Variants in BCR observed in about 807,000 individuals in gnomAD.
BCR encodes breakpoint cluster region protein.
In BCR, 58 loss-of-function variants were observed where a neutral mutation model predicts 138.6. The observed-to-expected ratio is 0.42, with a 90% CI of 0.34 to 0.52. BCR has a LOEUF of 0.52. Among genes scored for constraint, BCR ranks in the 20% least tolerant of loss-of-function variants. The pLI is 0.06. For synonymous variants in BCR, 786 were observed against 730.1 expected, an observed-to-expected ratio of 1.08 and a Z score of -1.23; for missense variants, 1,599 against 1,727.2, an observed-to-expected ratio of 0.93 and a Z score of 1.32.
chr22:23,236,547 C>A (rs2073026919), intron 1 of BCR, among the ~76,000 whole-genome samples: 1 of 152,218 alleles, frequency 6.6e-6, no homozygotes, highest in African/African-American at 2.4e-5. Flanking sequence ...GAGAACAGGG[C>A]AACGCACACC....
intron 12 of BCR, 43 bp from the exon 13 acceptor site, chr22:23,289,474 G>T (rs1230862131): frequency 6.5e-7 from 1 of 1,532,938 alleles, no homozygotes; most frequent in Non-Finnish European, 9.0e-7. Context: ...GAGGGCCAAG[G>T]AGCAGATTGA....
intron 1 of BCR, among the ~76,000 whole-genome samples, chr22:23,209,527 G>A (rs1054346565): frequency 6.9e-6 from 1 of 145,940 alleles, no homozygotes; most frequent in East Asian, 1.9e-4. Flanking sequence ...TGGCTTGTTT[G>A]CTAATTTATT....
Position 23,289,555 on chromosome 22 carries a change from A to T in BCR, c.2641A>T (p.Met881Leu). 1 of 1,614,234 alleles carries T rather than the reference A, an allele frequency of 6.2e-7. No homozygotes were observed. Among genetic ancestry groups the T allele is most frequent in the African/African-American group, 1.3e-5 (1 of 75,054 alleles). ...CTCCCTGACATCCGTGGAGCTGCAG[A>T]TGCTGACCAACTCGTGTGTGAAACT... Reference protein sequence around the residue: ...SFSLTSVELQMLTNSCVKLQT... With the variant: ...SFSLTSVELQLLTNSCVKLQT... The change falls in exon 13 of 23, where the codon ATG (methionine) becomes TTG (leucine). Residue 881 changes from methionine (M) to leucine (L), a missense_variant. Coordinates refer to ENST00000305877, the MANE Select transcript of BCR (RefSeq NM_004327.4).
At chr22:23,282,934 C>T (rs558025762) in intron 8 of BCR, among the ~76,000 whole-genome samples, 3 of 152,320 alleles carry the variant, frequency 2.0e-5, no homozygotes, top group African/African-American at 4.8e-5. Flanking sequence ...TCTCTTTCTG[C>T]GCTGCCTGGG....
At chr22:23,304,335 T>C (rs1410167263) in intron 16 of BCR, among the ~76,000 whole-genome samples, 2 of 152,174 alleles carry the variant, frequency 1.3e-5, no homozygotes, top group Admixed American at 6.5e-5. Flanking sequence ...CGTGGAATCA[T>C]ACTAGAGTGG....
intron 1 of BCR, among the ~76,000 whole-genome samples, chr22:23,215,884 G>T (rs6003559): frequency 0.055 from 8,374 of 152,238 alleles, 755 homozygotes; most frequent in African/African-American, 0.19. Context: ...TAATCCAGGA[G>T]TTAGATGGTG....
chr22:23,313,201 C>A (rs1362266636), intron 20 of BCR, among the ~76,000 whole-genome samples, 180 bp downstream of exon 20: 1 of 152,186 alleles, frequency 6.6e-6, no homozygotes, highest in Admixed American at 6.5e-5. Context: ...AAGGCCTTGC[C>A]CATCCCTAGA....
chr22:23,194,142 A>C (rs1022764117), intron 1 of BCR, among the ~76,000 whole-genome samples: 2 of 152,228 alleles, frequency 1.3e-5, no homozygotes, highest in African/African-American at 4.8e-5. Flanking sequence ...GTGCAGAAGC[A>C]CTGTTTATTT....
rs373742833 is a variant in BCR at position 23,180,592 on chromosome 22, A to AG, written c.-369_-368insG. On this transcript the variant is annotated 5_prime_UTR_variant, in exon 1 of 23. Transcript: ENST00000305877. ...AGGAGGCGGCGGCGGCGGCGGCGGC[A>AG]CGGCGGCGGCGGGGCTGTGGGGCGG... 0.91 allele frequency: 166,300 copies of AG among 182,126 alleles called. 75,295 individuals are homozygous for AG. Among genetic ancestry groups the AG allele is most frequent in the Middle Eastern group, 0.97 (432 of 444 alleles). 11.3% of individuals were successfully genotyped at this position (182,126 alleles called of 1,614,324 possible).
intron 10 of BCR, 71 bp from the exon 11 acceptor site, chr22:23,287,088 G>C: frequency 6.4e-7 from 1 of 1,550,760 alleles, no homozygotes; most frequent in Non-Finnish European, 8.7e-7. Flanking sequence ...TGGTGGTGGG[G>C]ATGGATGGAA....
chr22:23,217,842 G>A (rs143778412), intron 1 of BCR, among the ~76,000 whole-genome samples: 31 of 152,328 alleles, frequency 2.0e-4, no homozygotes, highest in African/African-American at 3.4e-4. Flanking sequence ...CCATGAAGGC[G>A]GGGATCCCGG....
chr22:23,255,570 T>G (rs945800323), intron 2 of BCR, among the ~76,000 whole-genome samples: 2 of 152,228 alleles, frequency 1.3e-5, no homozygotes, highest in African/African-American at 4.8e-5. Context: ...GCAATTTCTT[T>G]CCATCATTCT....
chr22:23,198,098 A>C (rs1207370063), intron 1 of BCR, among the ~76,000 whole-genome samples: 1 of 152,126 alleles, frequency 6.6e-6, no homozygotes, highest in Non-Finnish European at 1.5e-5. Flanking sequence ...TGTTGCGGAA[A>C]GGCTAAAAGG....
intron 1 of BCR, among the ~76,000 whole-genome samples, chr22:23,211,304 T>C (rs1469246032): frequency 1.3e-5 from 2 of 150,276 alleles, no homozygotes; most frequent in Admixed American, 6.6e-5. Flanking sequence ...TTCACACCAT[T>C]CTCCTGCCTC....
rs1357949801 is a variant in BCR, at chr22:23,205,743, G to A, written c.1279+23504G>A. 4.6e-5 allele frequency among the ~76,000 whole-genome samples: 7 copies of A among 151,954 alleles called. No homozygotes were observed. In the East Asian group the frequency reaches 1.3e-3, roughly 29 times the overall value. On this transcript the variant is annotated intron_variant, in intron 1 of 22. Coordinates refer to ENST00000305877, the MANE Select transcript of BCR (RefSeq NM_004327.4). ...CTAATTTTATGTTTGTGGCTGAGAG[G>A]CAAAATCGATGCTACTTTGTGGATA... is the stretch of plus-strand genomic sequence containing the variant.
chr22:23,276,215 C>T lies in BCR; in HGVS notation c.2115+2441C>T, dbSNP rs570623405. On this transcript the variant is annotated intron_variant, in intron 8 of 22. Transcript: ENST00000305877. ...AAGTTTGAGACCATCCTGGCTAACA[C>T]GATAAAACCCCATCTCTACTAAAAA... 4.3e-4 allele frequency among the ~76,000 whole-genome samples: 66 copies of T among 152,028 alleles called. 1 individual carries two copies. The highest frequency in any genetic ancestry group is 6.8e-4 in the Non-Finnish European group (46 of 67,966).
intron 8 of BCR, among the ~76,000 whole-genome samples, chr22:23,276,598 C>T (rs1168864789): frequency 6.6e-6 from 1 of 152,200 alleles, no homozygotes; most frequent in African/African-American, 2.4e-5. Flanking sequence ...CACCCCTTCA[C>T]TCAGAGCTTT....
chr22:23,279,211 T>C (rs536927347), intron 8 of BCR, among the ~76,000 whole-genome samples: 4 of 152,334 alleles, frequency 2.6e-5, no homozygotes, highest in African/African-American at 9.6e-5. Context: ...TCCCAGGCCC[T>C]GCCCTACCCT....
At chr22:23,233,524 G>A (rs938454159) in intron 1 of BCR, among the ~76,000 whole-genome samples, 1 of 152,152 alleles carries the variant, frequency 6.6e-6, no homozygotes, top group Non-Finnish European at 1.5e-5. Flanking sequence ...ATGGAGGCTC[G>A]TGCCTGTAAT....
Sources: gnomAD v4.1 joint callset for allele counts (sites outside exome capture counted in the v4.1 genomes callset) on GRCh38, gnomAD v4.1.1 for gene constraint, MANE v1.5 for transcripts, NCBI Gene and HGNC (gene_info 2026-07-23, HGNC 2026-07-21) for gene names.